The following KAZN variants were observed in gnomAD, a reference collection of about 807,000 sequenced individuals.
KAZN encodes kazrin, periplakin interacting protein.
Under a neutral mutation model 87.4 loss-of-function variants are expected in KAZN, and 40 were observed. The ratio of observed to expected loss-of-function variants is 0.46; its 90% confidence interval spans 0.36 to 0.60. KAZN has a LOEUF of 0.60. Among genes scored for constraint, KAZN ranks in the 20% least tolerant of loss-of-function variants. KAZN has a pLI of 0.00. For missense variants in KAZN, 898 were observed against 1,073.9 expected, an observed-to-expected ratio of 0.84 and a Z score of 2.29; for synonymous variants, 466 against 458.3, an observed-to-expected ratio of 1.02 and a Z score of -0.22.
At chr1:14,881,356 C>T (rs953581972) in intron 1 of KAZN, among the ~76,000 whole-genome samples, 2 of 152,152 alleles carry the variant, frequency 1.3e-5, no homozygotes, top group Admixed American at 6.5e-5. Context: ...ATGCCATTGG[C>T]ATGTGAAATG....
intron 1 of KAZN, among the ~76,000 whole-genome samples, chr1:13,907,751 C>T (rs1639498446): frequency 6.6e-6 from 1 of 152,186 alleles, no homozygotes; most frequent in Non-Finnish European, 1.5e-5. Flanking sequence ...TGGCAACCTT[C>T]AGACTGGCTT....
chr1:14,968,047 C>T (rs1258161850), intron 2 of KAZN, among the ~76,000 whole-genome samples: 1 of 152,120 alleles, frequency 6.6e-6, no homozygotes, highest in African/African-American at 2.4e-5. Flanking sequence ...CACTACATTT[C>T]TTGTGCACTA....
At position 14,718,671 on chromosome 1, in the gene KAZN, G is replaced by A. The variant is rs936252075; in HGVS notation, c.226+119448G>A. Reference sequence around the variant, plus strand: ...CAAGCTGTAGGTGTTTAGCACACGCGGGCAGTGCCAAGGACCTCACATGGC... The same window carrying A: ...CAAGCTGTAGGTGTTTAGCACACGCAGGCAGTGCCAAGGACCTCACATGGC... On this transcript the variant is annotated intron_variant, in intron 1 of 14. Transcript: ENST00000376030. Among the ~76,000 whole-genome samples the A allele has an allele frequency of 1.3e-4, 20 of 152,104 alleles. 1 individual carries two copies. The highest frequency in any genetic ancestry group is 5.9e-5 in the Non-Finnish European group (4 of 68,022).
chr1:14,296,574 CAT>C (rs1355852421), intron 2 of KAZN, among the ~76,000 whole-genome samples: 1 of 148,870 alleles, frequency 6.7e-6, no homozygotes, highest in Non-Finnish European at 1.5e-5. Context: ...ATTCTGACCA[CAT>C]ATTTGAAAAC....
At chr1:14,826,573 T>C (rs1404603869) in intron 1 of KAZN, among the ~76,000 whole-genome samples, 1 of 152,188 alleles carries the variant, frequency 6.6e-6, no homozygotes, top group African/African-American at 2.4e-5. Flanking sequence ...CCTCTGTGCC[T>C]TCTCAGCCTC....
chr1:14,032,736 G>A (rs10927999), intron 1 of KAZN, among the ~76,000 whole-genome samples: 7,326 of 152,144 alleles, frequency 0.048, 612 homozygotes, highest in African/African-American at 0.17. Flanking sequence ...CCTCCTTAAC[G>A]TGTGTAACTC....
intron 2 of KAZN, among the ~76,000 whole-genome samples, chr1:14,347,287 A>G (rs1310107865): frequency 6.6e-6 from 1 of 152,190 alleles, no homozygotes; most frequent in Non-Finnish European, 1.5e-5. Context: ...TATGCAGCAC[A>G]TAACATGGAC....
chr1:14,598,894 C>A lies in KAZN; in HGVS notation c.-104C>A. ...GGTCGGGGCGCGGGCGAAGCCGGGC[C>A]GCGGAGGACACAACAGGTAGAGCCG... On this transcript the variant is annotated 5_prime_UTR_variant, in exon 1 of 15. Coordinates refer to ENST00000376030, the MANE Select transcript of KAZN (RefSeq NM_201628.3). This position sits in a 1 kb window ranked among gnomAD's most constrained non-coding sequence, Gnocchi z 4.2. 1.3e-6 allele frequency: 2 copies of A among 1,495,718 alleles called. No individual in the cohort carries two copies. The highest frequency in any genetic ancestry group is 1.5e-5 in the African/African-American group (1 of 68,226). 92.7% of individuals were successfully genotyped at this position (1,495,718 alleles called of 1,614,324 possible). A position where few individuals can be genotyped will look rare whatever the true frequency, so the allele number is the denominator to read the frequency against.
At chr1:14,681,640 TATATATATATATATATA>T (rs1413273105) in intron 1 of KAZN, among the ~76,000 whole-genome samples, 10 of 12,956 alleles carry the variant, frequency 7.7e-4, no homozygotes, top group Non-Finnish European at 1.4e-3. Context: ...TATATATATA[TATATATATATATATATA>T]TTTTTTTTTT....
intron 8 of KAZN, chr1:15,067,539 C>T: frequency 1.0e-6 from 1 of 985,458 alleles, no homozygotes; most frequent in South Asian, 4.7e-5. Context: ...TCAACCCACA[C>T]CTCTAGACAA....
At chr1:14,339,216 C>T (rs1041319671) in intron 2 of KAZN, among the ~76,000 whole-genome samples, 2 of 152,164 alleles carry the variant, frequency 1.3e-5, no homozygotes, top group Non-Finnish European at 2.9e-5. Context: ...CAAATGCTAT[C>T]ATCCCTCAGA....
intron 2 of KAZN, among the ~76,000 whole-genome samples, chr1:14,997,601 C>T (rs780069817): frequency 5.3e-5 from 8 of 152,144 alleles, no homozygotes; most frequent in Non-Finnish European, 7.3e-5. Context: ...AGCAGGGAGA[C>T]GGTGTCTGAT....
At chr1:14,803,732 G>A (rs531477686) in intron 1 of KAZN, among the ~76,000 whole-genome samples, 12 of 152,332 alleles carry the variant, frequency 7.9e-5, no homozygotes, top group African/African-American at 2.2e-4. Flanking sequence ...CTGGAGAGGC[G>A]ATGCCAAGGC....
At chr1:15,067,456 G>C (rs1488771881) in intron 8 of KAZN, 3 of 985,334 alleles carry the variant, frequency 3.0e-6, no homozygotes, top group African/African-American at 3.5e-5. Flanking sequence ...GAGCTGTTCA[G>C]CAAGGTCTGC....
intron 2 of KAZN, among the ~76,000 whole-genome samples, chr1:14,280,059 G>A (rs1652721544): frequency 6.6e-6 from 1 of 152,044 alleles, no homozygotes; most frequent in South Asian, 2.1e-4. Flanking sequence ...TCGGCATATG[G>A]ACTTAGTTAA....
At chr1:14,911,595 G>C (rs1657256668) in intron 1 of KAZN, among the ~76,000 whole-genome samples, 1 of 152,192 alleles carries the variant, frequency 6.6e-6, no homozygotes, top group Admixed American at 6.5e-5. Flanking sequence ...CCCACACCCT[G>C]TCACTGGGAG....
intron 2 of KAZN, among the ~76,000 whole-genome samples, chr1:14,242,145 T>C (rs1383914165): frequency 1.3e-5 from 2 of 152,358 alleles, no homozygotes; most frequent in South Asian, 2.1e-4. Context: ...GAAGATATGT[T>C]ATACTGCTAT....
chr1:14,666,944 C>T (rs1255797514), intron 1 of KAZN, among the ~76,000 whole-genome samples: 1 of 152,154 alleles, frequency 6.6e-6, no homozygotes. Flanking sequence ...CTGTGTTGGC[C>T]AGGATGCTCT....
At chr1:14,846,240 G>A (rs1450950478) in intron 1 of KAZN, among the ~76,000 whole-genome samples, 1 of 152,198 alleles carries the variant, frequency 6.6e-6, no homozygotes, top group Non-Finnish European at 1.5e-5. Flanking sequence ...TTGCTAAGAA[G>A]CCCTGCAATA....
Sources: gnomAD v4.1 joint callset for allele counts (sites outside exome capture counted in the v4.1 genomes callset) on GRCh38, gnomAD v4.1.1 for gene constraint, Gnocchi (gnomAD v3.1) non-coding constraint, MANE v1.5 for transcripts, NCBI Gene and HGNC (gene_info 2026-07-23, HGNC 2026-07-21) for gene names.